The following LMBR1 variants were observed in gnomAD, a reference collection of about 807,000 sequenced individuals.
The protein encoded by LMBR1 is limb region 1 protein homolog.
A neutral mutation model predicts 73.9 loss-of-function variants in LMBR1; 52 were observed. The observed-to-expected ratio is 0.70, with a 90% CI of 0.56 to 0.89. The LOEUF (loss-of-function observed/expected upper bound fraction) is 0.89. Among genes scored for constraint, LMBR1 ranks in the 40% least tolerant of loss-of-function variants. The pLI, the probability that LMBR1 is intolerant of heterozygous loss-of-function variation, is 0.00. For missense variants in LMBR1, 539 were observed against 579.8 expected (o/e 0.93, Z 0.72); for synonymous variants, 215 against 209.4 (o/e 1.03, Z -0.23).
At chr7:156,813,884 T>C (rs1833493879) in intron 4 of LMBR1, among the ~76,000 whole-genome samples, 1 of 152,210 alleles carries the variant, frequency 6.6e-6, no homozygotes, top group African/African-American at 2.4e-5. Context: ...AGTTTTTTTT[T>C]ATCTTTTCCA....
intron 3 of LMBR1, among the ~76,000 whole-genome samples, chr7:156,832,550 G>C (rs949375857): frequency 7.9e-5 from 12 of 152,112 alleles, no homozygotes; most frequent in Admixed American, 5.2e-4. Flanking sequence ...CACACTATGT[G>C]GCCTTTTGTG....
intron 15 of LMBR1, among the ~76,000 whole-genome samples, chr7:156,689,639 A>G (rs983578089): frequency 6.6e-6 from 1 of 152,206 alleles, no homozygotes; most frequent in African/African-American, 2.4e-5. Flanking sequence ...ACAGTAATAT[A>G]CCAAAATATT....
downstream of LMBR1, chr7:156,676,519 C>T (rs138232684): frequency 2.4e-5 from 38 of 1,613,914 alleles, no homozygotes; most frequent in African/African-American, 2.1e-4. Flanking sequence ...AGAGAGATGG[C>T]CCTCCTGTCC....
At chr7:156,830,922 A>C (rs1836565419) in intron 3 of LMBR1, among the ~76,000 whole-genome samples, 1 of 152,234 alleles carries the variant, frequency 6.6e-6, no homozygotes. Context: ...TTCTTGCCCA[A>C]GGAGGGCTTA....
chr7:156,871,086 C>T (rs988020785), intron 1 of LMBR1, among the ~76,000 whole-genome samples: 3 of 151,690 alleles, frequency 2.0e-5, no homozygotes, highest in Non-Finnish European at 4.4e-5. Context: ...AAAGAGAAGA[C>T]TCAAATAAGA....
intron 8 of LMBR1, among the ~76,000 whole-genome samples, 177 bp from the exon 9 acceptor site, chr7:156,756,642 T>C (rs573225854): frequency 6.6e-6 from 1 of 152,326 alleles, no homozygotes; most frequent in East Asian, 1.9e-4. Context: ...TACTTTAGTA[T>C]ATAACCAAAC....
At chr7:156,851,246 A>C (rs941608351) in intron 1 of LMBR1, among the ~76,000 whole-genome samples, 1 of 152,220 alleles carries the variant, frequency 6.6e-6, no homozygotes, top group Admixed American at 6.5e-5. Flanking sequence ...AAAATTACCA[A>C]TGCCCTATCT....
At chr7:156,710,134 C>T (rs1004550742) in intron 15 of LMBR1, among the ~76,000 whole-genome samples, 2 of 150,338 alleles carry the variant, frequency 1.3e-5, no homozygotes, top group African/African-American at 2.5e-5. Flanking sequence ...CTCGATCTCC[C>T]GACCTCGTGA....
At chr7:156,704,468 A>C (rs548103039) in intron 15 of LMBR1, among the ~76,000 whole-genome samples, 2 of 152,346 alleles carry the variant, frequency 1.3e-5, no homozygotes, top group African/African-American at 4.8e-5. Context: ...CAATGAAAGT[A>C]AATTTAAAAA....
intron 5 of LMBR1, among the ~76,000 whole-genome samples, chr7:156,782,157 C>T (rs182739502): frequency 1.3e-5 from 2 of 152,288 alleles, no homozygotes; most frequent in East Asian, 3.9e-4. Context: ...TAATTTCCTT[C>T]TTTAGGGCTG....
Position 156,759,862 on chromosome 7 carries a change from C to T in LMBR1, c.684+2272G>A, listed in dbSNP as rs1027729875. On this transcript the variant is annotated intron_variant, in intron 8 of 16. Coordinates refer to ENST00000353442, the MANE Select transcript of LMBR1 (RefSeq NM_022458.4). ...CTGACACAGGGCCCTACTAGTGTGT[C>T]GTTCCCCTATTGACAATGGTTGGAC... 3.9e-5 allele frequency among the ~76,000 whole-genome samples: 6 copies of T among 152,270 alleles called. No homozygotes were observed. The South Asian group carries it at 6.2e-4, about 16-fold the overall frequency.
intron 12 of LMBR1, 101 bp from the exon 13 acceptor site, chr7:156,725,938 G>C (rs2132394693): frequency 2.4e-6 from 2 of 842,130 alleles, no homozygotes; most frequent in Middle Eastern, 4.5e-4. Context: ...AATTATGAAT[G>C]TTTACTACTT....
chr7:156,824,548 C>T (rs1010833358), intron 4 of LMBR1, among the ~76,000 whole-genome samples: 6 of 152,144 alleles, frequency 3.9e-5, no homozygotes, highest in Non-Finnish European at 8.8e-5. Context: ...CAAGTAATCA[C>T]GTGTCACACA....
intron 4 of LMBR1, among the ~76,000 whole-genome samples, chr7:156,801,205 T>C (rs537667979): frequency 1.3e-5 from 2 of 152,270 alleles, no homozygotes; most frequent in South Asian, 2.1e-4. Context: ...AGTCAATCAA[T>C]ATGGCAAACT....
intron 5 of LMBR1, among the ~76,000 whole-genome samples, chr7:156,795,589 T>G (rs1008468725): frequency 6.6e-6 from 1 of 152,206 alleles, no homozygotes; most frequent in Non-Finnish European, 1.5e-5. Flanking sequence ...TGTTTGTTTC[T>G]GAGACAGGCT....
chr7:156,724,107 C>T lies in LMBR1; in HGVS notation c.1225+5G>A. ...TTTAAGTGAAAATTTCTCACTGAAA[C>T]TTACCCAGTGTTCTCGACATCACAG... On this transcript the variant is annotated splice_donor_5th_base_variant and intron_variant, in intron 15 of 16. Transcript: ENST00000353442. 6.2e-7 allele frequency: 1 copy of T among 1,605,292 alleles called. No homozygotes were observed.
chr7:156,838,332 T>G (rs912580852), intron 1 of LMBR1, among the ~76,000 whole-genome samples: 1 of 152,146 alleles, frequency 6.6e-6, no homozygotes, highest in Non-Finnish European at 1.5e-5. Flanking sequence ...TCCTCCTACC[T>G]AACTGAAATT....
At chr7:156,733,815 T>C in intron 10 of LMBR1, 1 of 158,598 alleles carries the variant, frequency 6.3e-6, no homozygotes, top group Non-Finnish European at 1.4e-5. Flanking sequence ...CGTATCACAA[T>C]CAAATTGTTC....
At chr7:156,704,205 G>T (rs898454756) in intron 15 of LMBR1, among the ~76,000 whole-genome samples, 4 of 152,150 alleles carry the variant, frequency 2.6e-5, no homozygotes. Context: ...GAACAGACAT[G>T]CTTAGCCCAC....
Sources: allele counts gnomAD v4.1 joint callset (sites outside exome capture counted in the v4.1 genomes callset), GRCh38; gene constraint gnomAD v4.1.1; transcripts MANE v1.5; gene names NCBI Gene and HGNC (gene_info 2026-07-23, HGNC 2026-07-21).